The following DNAH17 variants were observed in gnomAD, a reference collection of about 807,000 sequenced individuals.
The protein encoded by DNAH17 is dynein axonemal heavy chain 17.
A neutral mutation model predicts 485.6 loss-of-function variants in DNAH17; 376 were observed. The observed-to-expected ratio is 0.77, with a 90% confidence interval of 0.71 to 0.84. The LOEUF (loss-of-function observed/expected upper bound fraction) is 0.84. Among genes scored for constraint, DNAH17 ranks in the 40% least tolerant of loss-of-function variants. The pLI is 0.00. For missense variants in DNAH17, 6,370 were observed against 5,839.3 expected (o/e 1.09, Z -2.96); for synonymous variants, 3,031 against 2,405.9 (o/e 1.26, Z -7.60).
chr17:78,530,024 G>A (rs1470413671), intron 21 of DNAH17, among the ~76,000 whole-genome samples: 2 of 152,242 alleles, frequency 1.3e-5, no homozygotes, highest in African/African-American at 4.8e-5. Context: ...TGGCCCTGAT[G>A]GCCGCCTATA....
intron 14 of DNAH17, among the ~76,000 whole-genome samples, chr17:78,553,147 T>TA (rs1164245893): frequency 6.6e-6 from 1 of 152,092 alleles, no homozygotes; most frequent in Non-Finnish European, 1.5e-5. Flanking sequence ...CTGCTTCCCC[T>TA]TCACCTTCCA....
chr17:78,513,726 G>A (rs972934676), intron 26 of DNAH17, among the ~76,000 whole-genome samples: 5 of 152,176 alleles, frequency 3.3e-5, no homozygotes, highest in Non-Finnish European at 5.9e-5. Flanking sequence ...ATGAGCCACC[G>A]CACCCGGCTT....
intron 19 of DNAH17, among the ~76,000 whole-genome samples, chr17:78,536,327 G>A (rs1326970614): frequency 6.6e-6 from 1 of 152,120 alleles, no homozygotes; most frequent in Non-Finnish European, 1.5e-5. Context: ...GCATGCACCT[G>A]TAGTCCCAGC....
intron 5 of DNAH17, 57 bp from the exon 6 acceptor site, chr17:78,571,090 G>A (rs1282469616): frequency 2.6e-5 from 38 of 1,485,244 alleles, no homozygotes; most frequent in South Asian, 1.8e-4. Context: ...GCTCAGAAAC[G>A]ATGAGGGTGC....
At chr17:78,510,020 A>G (rs960267887) in intron 27 of DNAH17, among the ~76,000 whole-genome samples, 2 of 152,042 alleles carry the variant, frequency 1.3e-5, no homozygotes, top group African/African-American at 4.8e-5. Context: ...CGCCTCTACT[A>G]AAAGTATGAA....
intron 58 of DNAH17, among the ~76,000 whole-genome samples, chr17:78,460,921 G>A (rs532368854): frequency 5.3e-5 from 8 of 152,180 alleles, no homozygotes; most frequent in East Asian, 1.9e-4. Flanking sequence ...TGACTGGAAC[G>A]CTCTTCAATA....
At chr17:78,550,916 G>A (rs951424250) in intron 16 of DNAH17, among the ~76,000 whole-genome samples, 3 of 152,136 alleles carry the variant, frequency 2.0e-5, no homozygotes, top group East Asian at 1.9e-4. Flanking sequence ...AATTATTCCC[G>A]TCAATTGAAA....
chr17:78,559,876 G>C (rs1383981698), intron 13 of DNAH17, among the ~76,000 whole-genome samples: 1 of 152,022 alleles, frequency 6.6e-6, no homozygotes, highest in Non-Finnish European at 1.5e-5. Flanking sequence ...GGCGCCACCT[G>C]GCCTTTTCTT....
At chr17:78,509,361 G>A (rs541980762) in intron 27 of DNAH17, among the ~76,000 whole-genome samples, 107 of 152,142 alleles carry the variant, frequency 7.0e-4, no homozygotes, top group African/African-American at 2.2e-3. Flanking sequence ...CTGGGCTCAA[G>A]CGCTCCTCCT....
chr17:78,424,258 G>C, intron 80 of DNAH17, 105 bp from the exon 81 acceptor site: 1 of 1,409,212 alleles, frequency 7.1e-7, no homozygotes, highest in Non-Finnish European at 9.4e-7. Context: ...GCAGAGCTGG[G>C]CTCTACCCCA....
chr17:78,495,082 G>A lies in DNAH17; in HGVS notation c.5919C>T (p.Val1973=), dbSNP rs751924127. 8.7e-6 allele frequency: 14 copies of A among 1,608,686 alleles called. No homozygotes were observed. Among genetic ancestry groups the A allele is most frequent in the South Asian group, 1.1e-5 (1 of 90,038 alleles). The stretch of plus-strand genomic sequence containing the variant: ...CACATATCAGTTCGAAGTCGGGGAC[G>A]ACCATGGCACAGGGCCTGGGGAGGT... ...LKALFRPCAM[V]VPDFELICEI... is the part of the protein sequence containing the mutation. Residue 1973 remains valine, a synonymous_variant, in exon 39 of 81, where the codon GTC becomes GTT. Coordinates refer to ENST00000389840, the MANE Select transcript of DNAH17 (RefSeq NM_173628.4).
In DNAH17 at chr17:78,437,636, C is replaced by T; in HGVS notation, c.12033+5G>A. The T allele has an allele frequency of 6.2e-7, 1 of 1,601,780 alleles. No homozygotes were observed. Among genetic ancestry groups the T allele is most frequent in the Admixed American group, 1.7e-5 (1 of 59,192 alleles). ...GGGAGGCAGCCCGAGCAGGCGTGGC[C>T]CTACCTGGGTGAACAGGTCCAGGGC... On this transcript the variant is annotated splice_donor_5th_base_variant and intron_variant, in intron 74 of 80. Coordinates refer to ENST00000389840, the MANE Select transcript of DNAH17 (RefSeq NM_173628.4).
At chr17:78,551,888 G>A (rs947178905) in intron 15 of DNAH17, among the ~76,000 whole-genome samples, 3 of 151,842 alleles carry the variant, frequency 2.0e-5, no homozygotes, top group Admixed American at 6.6e-5. Context: ...GCTTGAACCC[G>A]GGAGGCAGAG....
intron 19 of DNAH17, 60 bp downstream of exon 19, chr17:78,537,239 A>C (rs548087787): frequency 1.3e-6 from 2 of 1,507,228 alleles, no homozygotes; most frequent in African/African-American, 2.8e-5. Flanking sequence ...TAGGGCGGCA[A>C]CACCAAATGG....
intron 43 of DNAH17, among the ~76,000 whole-genome samples, chr17:78,491,103 C>T (rs1037047602): frequency 6.6e-6 from 1 of 152,246 alleles, no homozygotes; most frequent in Non-Finnish European, 1.5e-5. Flanking sequence ...CATCACCCCT[C>T]CCCATCCTGG....
chr17:78,543,085 G>T lies in DNAH17; in HGVS notation c.2532+772C>A, dbSNP rs562136435. 8.7e-4 allele frequency among the ~76,000 whole-genome samples: 132 copies of T among 150,882 alleles called. 1 individual carries two copies. Among genetic ancestry groups the T allele is most frequent in the African/African-American group, 3.2e-3 (130 of 40,866 alleles). On this transcript the variant is annotated intron_variant, in intron 17 of 80. Coordinates refer to ENST00000389840, the MANE Select transcript of DNAH17 (RefSeq NM_173628.4). Reference sequence around the variant, plus strand: ...CAGCAAGGGTGGTCTACTACTTAAAGATAAGGCTCGCTTGGATTAAAGATC... The same window carrying T: ...CAGCAAGGGTGGTCTACTACTTAAATATAAGGCTCGCTTGGATTAAAGATC...
chr17:78,499,001 A>T lies in DNAH17; in HGVS notation c.5745+7T>A. On this transcript the variant is annotated splice_region_variant and intron_variant, in intron 37 of 80. Transcript: ENST00000389840. ...GTGACCCCGAGGCCGCAGGCAGGGG[A>T]CTTTACCTGCACGGCAATCACAGAC... 6.2e-7 allele frequency: 1 copy of T among 1,603,188 alleles called. No homozygotes were observed. Among genetic ancestry groups the T allele is most frequent in the South Asian group, 1.1e-5 (1 of 89,300 alleles).
chr17:78,539,853 T>A lies in DNAH17; in HGVS notation c.2560A>T (p.Thr854Ser). 6.2e-7 allele frequency: 1 copy of A among 1,606,542 alleles called. No individual in the cohort carries two copies. Among genetic ancestry groups the A allele is most frequent in the South Asian group, 1.1e-5 (1 of 89,542 alleles). The change falls in exon 18 of 81, where the codon ACA (threonine) becomes TCA (serine). Residue 854 changes from threonine (T) to serine (S), a missense_variant. Transcript: ENST00000389840. ...AENAELFRAD[T>S]LSLPWKDYVI... ...TAATCCTTCCAGGGCAGGCTCAGTG[T>A]GTCTGCCCTGAATAGTTCTGCGTTT...
At chr17:78,520,608 G>A (rs1325019569) in intron 25 of DNAH17, among the ~76,000 whole-genome samples, 1 of 152,046 alleles carries the variant, frequency 6.6e-6, no homozygotes, top group African/African-American at 2.4e-5. Flanking sequence ...AAGATGCAAC[G>A]CCACTTATTA....
Sources: gnomAD v4.1 joint callset for allele counts (sites outside exome capture counted in the v4.1 genomes callset) on GRCh38, gnomAD v4.1.1 for gene constraint, MANE v1.5 for transcripts, NCBI Gene and HGNC (gene_info 2026-07-23, HGNC 2026-07-21) for gene names.